The following ATP9A variants were observed in gnomAD, a reference collection of about 807,000 sequenced individuals.
ATP9A encodes the protein probable phospholipid-transporting ATPase IIA.
ATP9A carries 52 observed loss-of-function variants against 144.1 expected under a neutral mutation model. That is an observed-to-expected ratio of 0.36 (90% CI 0.29 to 0.45). The LOEUF is 0.45. ATP9A is among the 20% of genes least tolerant of loss of function. The pLI is 1.00. For synonymous variants in ATP9A, 582 were observed against 557.4 expected (o/e 1.04, Z -0.62); for missense variants, 947 against 1,392.7 (o/e 0.68, Z 5.09).
intron 8 of ATP9A, among the ~76,000 whole-genome samples, chr20:51,690,062 A>AGATC (rs970790404): frequency 2.1e-5 from 3 of 140,504 alleles, no homozygotes; most frequent in African/African-American, 8.0e-5. Context: ...CAATGAGCCG[A>AGATC]GATCGCGCCA....
At chr20:51,636,828 C>T (rs73132052) in intron 15 of ATP9A, among the ~76,000 whole-genome samples, 4,295 of 152,328 alleles carry the variant, frequency 0.028, 85 homozygotes, top group Middle Eastern at 0.048. Flanking sequence ...AGCCCCTGGG[C>T]GGGGTAATCC....
chr20:51,712,768 G>C (rs1274676268), intron 4 of ATP9A, among the ~76,000 whole-genome samples, 198 bp downstream of exon 4: 2 of 152,250 alleles, frequency 1.3e-5, no homozygotes, highest in African/African-American at 4.8e-5. Context: ...GCCTGTGGAT[G>C]CTGCCAGGGC....
chr20:51,719,118 ACT>A (rs1250755356), intron 3 of ATP9A, among the ~76,000 whole-genome samples: 2 of 150,162 alleles, frequency 1.3e-5, no homozygotes, highest in Non-Finnish European at 1.5e-5. Context: ...ACAGAGTGAG[ACT>A]CTGTCTCAAA....
rs187543948 is a variant in ATP9A at position 51,741,962 on chromosome 20, C to T, written c.69-11984G>A. 4.9e-3 allele frequency among the ~76,000 whole-genome samples: 741 copies of T among 152,250 alleles called. 6 individuals carry two copies. The highest frequency in any genetic ancestry group is 0.024 in the Middle Eastern group (7 of 294). On this transcript the variant is annotated intron_variant, in intron 1 of 27. Coordinates refer to ENST00000338821, the MANE Select transcript of ATP9A (RefSeq NM_006045.3). Reference sequence around the variant, plus strand: ...CGCCACTTGTGCCCAGTTGAGAACTCCTGCTCTAGGTTTTATATATAAACT... The same window carrying T: ...CGCCACTTGTGCCCAGTTGAGAACTTCTGCTCTAGGTTTTATATATAAACT...
intron 7 of ATP9A, among the ~76,000 whole-genome samples, chr20:51,693,241 C>T (rs553486852): frequency 1.3e-5 from 2 of 152,318 alleles, no homozygotes; most frequent in Admixed American, 1.3e-4. Context: ...AGAGCCTCTC[C>T]GATAAGGAGA....
intron 14 of ATP9A, among the ~76,000 whole-genome samples, chr20:51,641,569 C>T (rs1448847966): frequency 2.0e-5 from 3 of 151,558 alleles, no homozygotes; most frequent in African/African-American, 4.9e-5. Context: ...AATCTCAGCA[C>T]TTTGGGAGGC....
At chr20:51,656,873 C>G (rs1323522121) in intron 14 of ATP9A, 65 bp downstream of exon 14, 1 of 1,484,048 alleles carries the variant, frequency 6.7e-7, no homozygotes, top group Non-Finnish European at 9.2e-7. Flanking sequence ...TAGAAAACGC[C>G]TAATTCCAGC....
intron 14 of ATP9A, among the ~76,000 whole-genome samples, chr20:51,651,467 T>C (rs2077366446): frequency 6.7e-6 from 1 of 148,638 alleles, no homozygotes. Context: ...AATATATATG[T>C]ATATTTAAAT....
intron 22 of ATP9A, 26 bp from the exon 23 acceptor site, chr20:51,613,858 A>C: frequency 1.9e-6 from 3 of 1,598,228 alleles, no homozygotes; most frequent in Non-Finnish European, 2.6e-6. Context: ...ATTAGGCACC[A>C]TCAGAAGCAC....
At chr20:51,752,417 G>T (rs943338636) in intron 1 of ATP9A, among the ~76,000 whole-genome samples, 1 of 152,192 alleles carries the variant, frequency 6.6e-6, no homozygotes, top group Non-Finnish European at 1.5e-5. Context: ...GATTTCTCTC[G>T]CACGTGTTGA....
intron 3 of ATP9A, among the ~76,000 whole-genome samples, chr20:51,714,472 C>G (rs148044790): frequency 2.0e-5 from 3 of 152,342 alleles, no homozygotes; most frequent in Middle Eastern, 3.4e-3. Context: ...ACCTCCGCCT[C>G]CCGGGCTCAA....
chr20:51,741,157 A>C (rs1356772928), intron 1 of ATP9A, among the ~76,000 whole-genome samples: 2 of 152,124 alleles, frequency 1.3e-5, no homozygotes, highest in African/African-American at 4.8e-5. Flanking sequence ...GTGCAGACAC[A>C]GAACATTCCA....
chr20:51,726,313 C>CAAAAAAAAA (rs11476208), intron 2 of ATP9A, among the ~76,000 whole-genome samples: 1 of 70,762 alleles, frequency 1.4e-5, no homozygotes, highest in African/African-American at 4.5e-5. Context: ...AACTCTGTCT[C>CAAAAAAAAA]AAAAAAAAAA....
chr20:51,650,004 A>T (rs1396411956), intron 14 of ATP9A, among the ~76,000 whole-genome samples: 1 of 152,102 alleles, frequency 6.6e-6, no homozygotes, highest in East Asian at 1.9e-4. Flanking sequence ...AGGGAAGGCC[A>T]ATGTGATGCC....
chr20:51,610,851 G>C (rs2077182433), intron 23 of ATP9A, among the ~76,000 whole-genome samples: 1 of 152,220 alleles, frequency 6.6e-6, no homozygotes, highest in Admixed American at 6.5e-5. Context: ...TTTTTGAAAA[G>C]AGCATGGTGA....
At position 51,661,471 on chromosome 20, in the gene ATP9A, C is replaced by T. The variant is rs2077410367; in HGVS notation, c.1294-4321G>A. 2.0e-5 allele frequency among the ~76,000 whole-genome samples: 3 copies of T among 151,032 alleles called. No homozygotes were observed. The South Asian group carries it at 6.3e-4, about 32-fold the overall frequency. The stretch of plus-strand genomic sequence containing the variant: ...CTCAACCTTCTGGGCTCAAGTAATC[C>T]TCCCACCTCAGCCTTCTGAATACCG... On this transcript the variant is annotated intron_variant, in intron 13 of 27. Coordinates refer to ENST00000338821, the MANE Select transcript of ATP9A (RefSeq NM_006045.3).
At chr20:51,638,121 A>ATATATATATATATCTATATCTATC (rs2077302889) in intron 15 of ATP9A, among the ~76,000 whole-genome samples, 2 of 103,004 alleles carry the variant, frequency 1.9e-5, no homozygotes, top group African/African-American at 8.2e-5. Context: ...ATATATATAT[A>ATATATATATATATCTATATCTATC]TATCTCATAG....
chr20:51,760,258 G>A (rs1410609479), intron 1 of ATP9A, among the ~76,000 whole-genome samples: 4 of 150,198 alleles, frequency 2.7e-5, no homozygotes, highest in Non-Finnish European at 4.5e-5. Flanking sequence ...AATCCATAAC[G>A]TACATTAAAT....
Position 51,766,765 on chromosome 20 carries a change from G to A in ATP9A, c.68+1537C>T, listed in dbSNP as rs187105619. 3.5e-3 allele frequency among the ~76,000 whole-genome samples: 535 copies of A among 152,166 alleles called. 3 individuals carry two copies. The highest frequency in any genetic ancestry group is 5.3e-3 in the Admixed American group (81 of 15,272). On this transcript the variant is annotated intron_variant, in intron 1 of 27. Coordinates refer to ENST00000338821, the MANE Select transcript of ATP9A (RefSeq NM_006045.3). Reference sequence around the variant, plus strand: ...TTGAGGCAGAGAATTGCTTGAACCCGGGAGGCGGAGGTTGCAGTGAGCCGA... The same window carrying A: ...TTGAGGCAGAGAATTGCTTGAACCCAGGAGGCGGAGGTTGCAGTGAGCCGA...
Sources: allele counts gnomAD v4.1 joint callset (sites outside exome capture counted in the v4.1 genomes callset), GRCh38; gene constraint gnomAD v4.1.1; transcripts MANE v1.5; gene names NCBI Gene and HGNC (gene_info 2026-07-23, HGNC 2026-07-21).